Variants in SIPA1L3 observed in about 807,000 individuals in gnomAD.
SIPA1L3 encodes the protein signal-induced proliferation-associated 1-like protein 3.
A neutral mutation model predicts 150.1 loss-of-function variants in SIPA1L3; 59 were observed. The observed-to-expected ratio is 0.39, with a 90% CI of 0.32 to 0.49. SIPA1L3 has a LOEUF of 0.49. SIPA1L3 is among the 20% of genes least tolerant of loss of function. The probability of loss-of-function intolerance (pLI) is 0.86; values close to 1 mark genes in which losing one functional copy is unlikely to be tolerated. For missense variants in SIPA1L3, 2,211 were observed against 2,489.5 expected (o/e 0.89, Z 2.38); for synonymous variants, 1,070 against 1,077.6 (o/e 0.99, Z 0.14).
At chr19:38,198,846 C>T (rs1973025144) in intron 19 of SIPA1L3, among the ~76,000 whole-genome samples, 1 of 152,182 alleles carries the variant, frequency 6.6e-6, no homozygotes, top group Non-Finnish European at 1.5e-5. Flanking sequence ...TCCCAGCACT[C>T]TGAGAGTCCA....
At chr19:37,993,927 C>G (rs1188243503) in intron 1 of SIPA1L3, among the ~76,000 whole-genome samples, 2 of 152,068 alleles carry the variant, frequency 1.3e-5, no homozygotes, top group African/African-American at 4.8e-5. Flanking sequence ...ACGGGTCTTG[C>G]TCTGTCGCCT....
rs147544424 is a variant in SIPA1L3, at chr19:37,915,351, C to G, written c.-379+7993C>G. Among the ~76,000 whole-genome samples, 743 of 152,042 alleles carry G rather than the reference C, an allele frequency of 4.9e-3. 9 individuals carry two copies. The highest frequency in any genetic ancestry group is 0.016 in the African/African-American group (652 of 41,486). On this transcript the variant is annotated intron_variant, in intron 1 of 21. Coordinates refer to ENST00000222345, the MANE Select transcript of SIPA1L3 (RefSeq NM_015073.3). ...GTGAGCTTTGCAAGGGGACTTGGGA[C>G]TTGGCTGGAAAAGGTGTTTTTTTTT... is the stretch of plus-strand genomic sequence containing the variant.
intron 2 of SIPA1L3, among the ~76,000 whole-genome samples, chr19:38,063,749 G>A (rs2145785187): frequency 6.6e-6 from 1 of 152,318 alleles, no homozygotes; most frequent in African/African-American, 2.4e-5. Flanking sequence ...CAGCCCCTGT[G>A]GGGCCCCAGT....
At chr19:37,984,034 T>A (rs1599867149) in intron 1 of SIPA1L3, among the ~76,000 whole-genome samples, 1 of 152,230 alleles carries the variant, frequency 6.6e-6, no homozygotes, top group African/African-American at 2.4e-5. Context: ...AAACTATGTG[T>A]TCTTTGTGGG....
At chr19:38,024,359 G>C (rs1216937483) in intron 1 of SIPA1L3, among the ~76,000 whole-genome samples, 1 of 152,186 alleles carries the variant, frequency 6.6e-6, no homozygotes, top group Non-Finnish European at 1.5e-5. Context: ...ACTTTTGACA[G>C]ACACTTCCTT....
chr19:37,948,520 A>G (rs2042304082), intron 1 of SIPA1L3, among the ~76,000 whole-genome samples: 2 of 152,134 alleles, frequency 1.3e-5, no homozygotes, highest in South Asian at 4.1e-4. Flanking sequence ...AAACACTCAC[A>G]TACATATTAG....
chr19:38,103,088 A>G (rs762079197), intron 6 of SIPA1L3, among the ~76,000 whole-genome samples: 4 of 150,914 alleles, frequency 2.7e-5, no homozygotes, highest in South Asian at 2.1e-4. Context: ...GCACCATTGC[A>G]CTCCAGCCTG....
chr19:37,991,288 T>G (rs1967503935), intron 1 of SIPA1L3, among the ~76,000 whole-genome samples: 1 of 152,140 alleles, frequency 6.6e-6, no homozygotes, highest in African/African-American at 2.4e-5. Flanking sequence ...AAAAATAGTC[T>G]CAAAGCTGGG....
rs1970491447 is a variant in SIPA1L3, at chr19:38,101,084, T to C, written c.1887T>C (p.Tyr629=). 3 of 1,589,352 alleles carry C rather than the reference T, an allele frequency of 1.9e-6. No individual in the cohort carries two copies. Among genetic ancestry groups the C allele is most frequent in the African/African-American group, 1.3e-5 (1 of 74,118 alleles). ...LCRKHKVGIL[Y]CKAGQSSEEE... ...GGAAGCACAAGGTGGGCATCCTCTA[T>C]TGCAAGGCCGGCCAGAGCTCCGAGG... Residue 629 remains tyrosine (Y), a synonymous_variant, in exon 6 of 22, where the codon TAT becomes TAC. Coordinates refer to ENST00000222345, the MANE Select transcript of SIPA1L3 (RefSeq NM_015073.3).
intron 2 of SIPA1L3, among the ~76,000 whole-genome samples, chr19:38,051,888 C>T (rs545212634): frequency 2.6e-5 from 4 of 152,324 alleles, no homozygotes; most frequent in East Asian, 3.9e-4. Context: ...TGAGCCACCA[C>T]GCCCCACTTG....
chr19:38,088,627 C>A, intron 3 of SIPA1L3, 94 bp from the exon 4 acceptor site: 1 of 1,469,960 alleles, frequency 6.8e-7, no homozygotes, highest in South Asian at 1.3e-5. Context: ...TTGCACAGGA[C>A]CCTGCCTGGT....
intron 1 of SIPA1L3, among the ~76,000 whole-genome samples, chr19:38,021,544 C>CT (rs34706897): frequency 0.2 from 29,364 of 143,380 alleles, 2,942 homozygotes; most frequent in South Asian, 0.25. Context: ...GAGTCTGATC[C>CT]TTTTTTTTTT....
At chr19:37,920,162 C>T (rs1014389257) in intron 1 of SIPA1L3, among the ~76,000 whole-genome samples, 4 of 151,614 alleles carry the variant, frequency 2.6e-5, no homozygotes, top group African/African-American at 9.7e-5. Context: ...TGGGCTCAAG[C>T]GATCCCCCAT....
At chr19:38,106,671 C>G (rs781060602) in intron 7 of SIPA1L3, 31 bp downstream of exon 7, 1 of 1,475,808 alleles carries the variant, frequency 6.8e-7, no homozygotes, top group Admixed American at 1.7e-5. Flanking sequence ...GCACGGCTGC[C>G]GGATGTTGGC....
intron 2 of SIPA1L3, among the ~76,000 whole-genome samples, chr19:38,042,702 A>T (rs1456246796): frequency 1.3e-5 from 2 of 152,224 alleles, no homozygotes; most frequent in African/African-American, 4.8e-5. Context: ...ATCTTGCTTT[A>T]TCTTTGGTTA....
chr19:37,944,775 A>AC (rs1261183874), intron 1 of SIPA1L3, among the ~76,000 whole-genome samples: 1 of 151,956 alleles, frequency 6.6e-6, no homozygotes, highest in Non-Finnish European at 1.5e-5. Context: ...ACATGGTGAA[A>AC]CCCCATCTCT....
intron 6 of SIPA1L3, among the ~76,000 whole-genome samples, chr19:38,105,959 C>T (rs1434118000): frequency 6.6e-6 from 1 of 152,172 alleles, no homozygotes; most frequent in Non-Finnish European, 1.5e-5. Context: ...TTCCAAAGTG[C>T]TTGTACCAAG....
intron 1 of SIPA1L3, among the ~76,000 whole-genome samples, chr19:37,993,650 CCT>C (rs1316365118): frequency 1.1e-4 from 16 of 152,176 alleles, no homozygotes; most frequent in Non-Finnish European, 2.2e-4. Flanking sequence ...GAGAGCTCCT[CCT>C]CTGGAGGGCT....
intron 1 of SIPA1L3, among the ~76,000 whole-genome samples, chr19:37,986,885 G>T (rs992370193): frequency 6.6e-6 from 1 of 152,106 alleles, no homozygotes; most frequent in South Asian, 2.1e-4. Flanking sequence ...TAAAATGCAG[G>T]TTCTCATTCA....
Sources: gnomAD v4.1 joint callset for allele counts (sites outside exome capture counted in the v4.1 genomes callset) on GRCh38, gnomAD v4.1.1 for gene constraint, MANE v1.5 for transcripts, NCBI Gene and HGNC (gene_info 2026-07-23, HGNC 2026-07-21) for gene names.